Variants in PCCA observed in about 807,000 individuals in gnomAD.
PCCA encodes propionyl-CoA carboxylase alpha chain, mitochondrial.
A neutral mutation model predicts 101.3 loss-of-function variants in PCCA; 74 were observed. The ratio of observed to expected loss-of-function variants is 0.73; its 90% CI spans 0.61 to 0.89. The LOEUF (loss-of-function observed/expected upper bound fraction) is 0.89, where lower values mean the gene tolerates loss of function less well. PCCA is among the 40% of genes least tolerant of loss of function. The probability of loss-of-function intolerance (pLI) is 0.00; values close to 1 mark genes in which losing one functional copy is unlikely to be tolerated. For synonymous variants in PCCA, 294 were observed against 313.6 expected (o/e 0.94, Z 0.66); for missense variants, 891 against 907.0 (o/e 0.98, Z 0.23).
chr13:100,386,222 T>G (rs372697084), intron 19 of PCCA, among the ~76,000 whole-genome samples: 1 of 152,338 alleles, frequency 6.6e-6, no homozygotes, highest in Admixed American at 6.5e-5. Flanking sequence ...TCCCTGCTAT[T>G]GGTTTAAGGA....
chr13:100,401,959 C>T (rs2077391460), intron 19 of PCCA, among the ~76,000 whole-genome samples: 1 of 151,926 alleles, frequency 6.6e-6, no homozygotes, highest in African/African-American at 2.4e-5. Flanking sequence ...AAAATCTTTT[C>T]TTATTGCCTG....
At chr13:100,488,633 G>T (rs837339) in intron 21 of PCCA, among the ~76,000 whole-genome samples, 1,287 of 62,564 alleles carry the variant, frequency 0.021, 19 homozygotes, top group African/African-American at 0.075. Flanking sequence ...TTTTTGTTTT[G>T]TTTTTTTTTT....
At chr13:100,105,215 C>A (rs1253743508) in intron 2 of PCCA, among the ~76,000 whole-genome samples, 1 of 152,038 alleles carries the variant, frequency 6.6e-6, no homozygotes, top group African/African-American at 2.4e-5. Context: ...ATTTGAAGAG[C>A]CCAATAACCT....
At chr13:100,338,617 G>A (rs2070857411) in intron 17 of PCCA, among the ~76,000 whole-genome samples, 4 of 150,792 alleles carry the variant, frequency 2.7e-5, no homozygotes, top group Admixed American at 6.6e-5. Flanking sequence ...TAATCATATG[G>A]GATGTTTTCA....
intron 21 of PCCA, chr13:100,473,432 C>G (rs1362560991): frequency 6.6e-6 from 1 of 152,246 alleles, no homozygotes; most frequent in Non-Finnish European, 1.5e-5. Flanking sequence ...TGGTTGTACT[C>G]TTTCACAGAT....
At chr13:100,281,721 T>G (rs948924027) in intron 12 of PCCA, among the ~76,000 whole-genome samples, 2 of 152,228 alleles carry the variant, frequency 1.3e-5, no homozygotes, top group African/African-American at 4.8e-5. Flanking sequence ...TTTGGGAGTA[T>G]TCCATGCCTA....
rs145819765 is a variant in PCCA, at chr13:100,336,182, A to G, written c.1541-3975A>G. Among the ~76,000 whole-genome samples, 88 of 152,280 alleles carry G rather than the reference A, an allele frequency of 5.8e-4. No individual in the cohort carries two copies. The East Asian group carries it at 9.7e-3, about 17-fold the overall frequency. ...GAGGCTGAGGCAGGAGAATCACTTG[A>G]ACCCAGGAGGTAAAGGTTGTGGTGA... is the stretch of plus-strand genomic sequence containing the variant. On this transcript the variant is annotated intron_variant, in intron 17 of 23. Transcript: ENST00000376285.
intron 6 of PCCA, among the ~76,000 whole-genome samples, chr13:100,201,552 T>C (rs991452676): frequency 4.6e-5 from 7 of 152,066 alleles, no homozygotes; most frequent in African/African-American, 1.7e-4. Flanking sequence ...TCTTAGATCA[T>C]GGACTGTACA....
chr13:100,151,470 A>G (rs2152375259), intron 4 of PCCA, among the ~76,000 whole-genome samples: 1 of 152,232 alleles, frequency 6.6e-6, no homozygotes, highest in Admixed American at 6.5e-5. Flanking sequence ...GCATGCCTGT[A>G]ATCCCAGCTA....
In PCCA at chr13:100,441,997, T is replaced by TA. The variant is rs879579221; in HGVS notation, c.1846-7255_1846-7254insA. ...TTTCTTTTTCCTTTTTTCTTTTTTT[T>TA]TTTTTTTTATTTTTGAGACAGAGTC... On this transcript the variant is annotated intron_variant, in intron 20 of 23. Transcript: ENST00000376285. Among the ~76,000 whole-genome samples, 596 of 136,158 alleles carry TA rather than the reference T, an allele frequency of 4.4e-3. 1 individual carries two copies. Among genetic ancestry groups the TA allele is most frequent in the Middle Eastern group, 0.01 (3 of 288 alleles). The allele number at this position is 136,158 out of a possible 152,430, so 89.3% of individuals were successfully genotyped here.
At chr13:100,506,185 G>A (rs2086062621) in intron 21 of PCCA, among the ~76,000 whole-genome samples, 1 of 152,020 alleles carries the variant, frequency 6.6e-6, no homozygotes, top group Non-Finnish European at 1.5e-5. Flanking sequence ...CCTGTCTCCC[G>A]ATTTCTCCCA....
intron 6 of PCCA, among the ~76,000 whole-genome samples, chr13:100,168,390 C>T (rs1477209446): frequency 2.0e-5 from 3 of 152,068 alleles, no homozygotes; most frequent in African/African-American, 7.2e-5. Flanking sequence ...AGAGAGCAGC[C>T]ACAATTAGAC....
At chr13:100,515,919 T>TA (rs2086804174) in intron 22 of PCCA, among the ~76,000 whole-genome samples, 1 of 152,250 alleles carries the variant, frequency 6.6e-6, no homozygotes, top group Non-Finnish European at 1.5e-5. Context: ...TGCCAGGGAA[T>TA]AATACTCCGA....
chr13:100,258,316 A>C (rs2062214429), intron 9 of PCCA, among the ~76,000 whole-genome samples: 2 of 152,166 alleles, frequency 1.3e-5, no homozygotes, highest in African/African-American at 4.8e-5. Flanking sequence ...TCACTTCTTC[A>C]TGAGAGCGTG....
At chr13:100,477,750 C>T (rs1337742755) in intron 21 of PCCA, among the ~76,000 whole-genome samples, 2 of 152,180 alleles carry the variant, frequency 1.3e-5, no homozygotes, top group Non-Finnish European at 2.9e-5. Flanking sequence ...CCCTATGAAG[C>T]GTGTGTTCTC....
chr13:100,415,058 G>A (rs1205826807), intron 19 of PCCA, among the ~76,000 whole-genome samples: 3 of 151,990 alleles, frequency 2.0e-5, no homozygotes, highest in Non-Finnish European at 4.4e-5. Context: ...GATGTAAAAT[G>A]GGAGGAGGAG....
intron 19 of PCCA, among the ~76,000 whole-genome samples, chr13:100,371,041 A>T (rs1230085619): frequency 6.6e-6 from 1 of 152,344 alleles, no homozygotes; most frequent in East Asian, 1.9e-4. Flanking sequence ...AGGAAAGTAC[A>T]GCAGATGTTG....
At chr13:100,391,695 T>A (rs2076807686) in intron 19 of PCCA, among the ~76,000 whole-genome samples, 1 of 152,154 alleles carries the variant, frequency 6.6e-6, no homozygotes, top group Non-Finnish European at 1.5e-5. Context: ...CTAGCCAGCT[T>A]TTATAGGAGC....
intron 21 of PCCA, among the ~76,000 whole-genome samples, chr13:100,453,698 G>A (rs2081502902): frequency 6.6e-6 from 1 of 151,948 alleles, no homozygotes; most frequent in South Asian, 2.1e-4. Context: ...TCCATCAGCA[G>A]GTGCCCTTCA....
Sources: gnomAD v4.1 joint callset for allele counts (sites outside exome capture counted in the v4.1 genomes callset) on GRCh38, gnomAD v4.1.1 for gene constraint, MANE v1.5 for transcripts, NCBI Gene and HGNC (gene_info 2026-07-23, HGNC 2026-07-21) for gene names.